SLX4IP: variants seen among roughly 807,000 people sequenced by gnomAD.
SLX4IP encodes the protein protein SLX4IP.
Under a neutral mutation model 32.9 loss-of-function variants are expected in SLX4IP, and 34 were observed. That is an observed-to-expected ratio of 1.03 (90% CI 0.79 to 1.38). The LOEUF is 1.38. Ranked by LOEUF, SLX4IP falls within the 40% of genes most tolerant of loss-of-function variation. The probability of loss-of-function intolerance (pLI) is 0.00; values close to 1 mark genes in which losing one functional copy is unlikely to be tolerated. For missense variants in SLX4IP, 444 were observed against 479.0 expected, an observed-to-expected ratio of 0.93 and a Z score of 0.68; for synonymous variants, 172 against 171.7, an observed-to-expected ratio of 1.00 and a Z score of -0.01.
intron 2 of SLX4IP, among the ~76,000 whole-genome samples, chr20:10,502,468 G>A (rs952758766): frequency 6.6e-6 from 1 of 152,162 alleles, no homozygotes; most frequent in African/African-American, 2.4e-5. Context: ...CTGTGCATGT[G>A]CATGCACACT....
intron 2 of SLX4IP, among the ~76,000 whole-genome samples, chr20:10,482,426 A>T (rs2065531234): frequency 6.6e-6 from 1 of 151,884 alleles, no homozygotes; most frequent in Admixed American, 6.6e-5. Context: ...TCTTTATCTG[A>T]GGCCAGTTTG....
intron 2 of SLX4IP, among the ~76,000 whole-genome samples, chr20:10,476,373 T>G (rs746123151): frequency 6.6e-6 from 1 of 152,188 alleles, no homozygotes; most frequent in Non-Finnish European, 1.5e-5. Flanking sequence ...CATCTATGAG[T>G]GTGCATATTT....
chr20:10,511,533 G>C (rs2065807868), intron 2 of SLX4IP, among the ~76,000 whole-genome samples: 1 of 152,266 alleles, frequency 6.6e-6, no homozygotes, highest in South Asian at 2.1e-4. Context: ...TTTGCCAGCA[G>C]AGTATGTCCA....
chr20:10,490,990 C>G (rs1024780882), intron 2 of SLX4IP, among the ~76,000 whole-genome samples: 2 of 152,040 alleles, frequency 1.3e-5, no homozygotes, highest in Admixed American at 6.6e-5. Context: ...AATTCCACCC[C>G]TCTCTTCCCC....
intron 2 of SLX4IP, among the ~76,000 whole-genome samples, chr20:10,547,482 C>A (rs552934353): frequency 6.6e-6 from 1 of 152,288 alleles, no homozygotes; most frequent in East Asian, 1.9e-4. Context: ...TCCCTTTAAC[C>A]CGAAAAACTC....
intron 6 of SLX4IP, among the ~76,000 whole-genome samples, chr20:10,619,051 C>T (rs1315855305): frequency 1.3e-5 from 2 of 152,144 alleles, no homozygotes; most frequent in Admixed American, 6.5e-5. Flanking sequence ...CCTGACAGCT[C>T]AGGGGCTGAA....
intron 2 of SLX4IP, among the ~76,000 whole-genome samples, chr20:10,496,441 C>T (rs930621526): frequency 6.6e-6 from 1 of 152,142 alleles, no homozygotes; most frequent in Non-Finnish European, 1.5e-5. Context: ...TAGCAGAAAA[C>T]CCAATTAGAG....
intron 3 of SLX4IP, among the ~76,000 whole-genome samples, chr20:10,558,110 C>A (rs2066287189): frequency 6.6e-6 from 1 of 152,128 alleles, no homozygotes; most frequent in South Asian, 2.1e-4. Context: ...GAGCCCAAGG[C>A]AGGCGGATTG....
chr20:10,509,797 C>T (rs1010430372), intron 2 of SLX4IP, among the ~76,000 whole-genome samples: 1 of 151,978 alleles, frequency 6.6e-6, no homozygotes, highest in Non-Finnish European at 1.5e-5. Context: ...TCAAGCAGTC[C>T]TCCCCTTCGG....
chr20:10,596,919 T>C (rs1256446187), intron 4 of SLX4IP, among the ~76,000 whole-genome samples: 1 of 152,254 alleles, frequency 6.6e-6, no homozygotes, highest in African/African-American at 2.4e-5. Context: ...GCCACATGAC[T>C]GAAATGCAAT....
intron 2 of SLX4IP, among the ~76,000 whole-genome samples, chr20:10,533,764 C>T (rs675810): frequency 0.55 from 83,337 of 151,448 alleles, 24,024 homozygotes; most frequent in South Asian, 0.72. Flanking sequence ...GGACTATAGG[C>T]ACATGCCACA....
chr20:10,507,423 T>C (rs1262875932), intron 2 of SLX4IP, among the ~76,000 whole-genome samples: 2 of 152,030 alleles, frequency 1.3e-5, no homozygotes, highest in Non-Finnish European at 1.5e-5. Flanking sequence ...GGTTGTATAG[T>C]CCACGGCAGG....
rs986412493 is a variant in SLX4IP, at chr20:10,560,883, G to A, written c.238+63G>A. ...ATAGAATTTCTGCTCCGTAGAGATG[G>A]CAATTATGTTTGACTCTGACTGTCA... On this transcript the variant is annotated intron_variant, in intron 4 of 7. Coordinates refer to ENST00000334534, the MANE Select transcript of SLX4IP (RefSeq NM_001009608.3). 1.2e-5 allele frequency: 17 copies of A among 1,428,768 alleles called. 1 individual carries two copies. The South Asian group carries it at 2.7e-4, about 23-fold the overall frequency. 88.5% of individuals were successfully genotyped at this position (1,428,768 alleles called of 1,614,324 possible).
intron 1 of SLX4IP, among the ~76,000 whole-genome samples, chr20:10,448,708 T>C (rs893864569): frequency 2.6e-5 from 4 of 152,216 alleles, no homozygotes; most frequent in African/African-American, 9.7e-5. Flanking sequence ...TGGCCTACTG[T>C]TGAGCAGCTT....
intron 2 of SLX4IP, among the ~76,000 whole-genome samples, chr20:10,526,843 T>C (rs1248997082): frequency 6.6e-6 from 1 of 152,130 alleles, no homozygotes; most frequent in African/African-American, 2.4e-5. Flanking sequence ...TCCCATCTAC[T>C]TGGGAGGCTG....
At chr20:10,537,839 A>C (rs193067393) in intron 2 of SLX4IP, among the ~76,000 whole-genome samples, 1 of 152,326 alleles carries the variant, frequency 6.6e-6, no homozygotes, top group Admixed American at 6.5e-5. Context: ...TGACAAAAGT[A>C]ATGAGATAGC....
At chr20:10,620,585 G>C (rs540873769) in intron 6 of SLX4IP, among the ~76,000 whole-genome samples, 1 of 151,698 alleles carries the variant, frequency 6.6e-6, no homozygotes, top group East Asian at 1.9e-4. Flanking sequence ...ACAGAGTCTC[G>C]CTCTGTTGCC....
At chr20:10,584,134 T>C (rs537252877) in intron 4 of SLX4IP, among the ~76,000 whole-genome samples, 18 of 152,046 alleles carry the variant, frequency 1.2e-4, no homozygotes, top group African/African-American at 2.2e-4. Flanking sequence ...GGGTTTTTTT[T>C]CCCCTATAAA....
At chr20:10,441,574 A>G (rs944071631) in intron 1 of SLX4IP, among the ~76,000 whole-genome samples, 3 of 152,226 alleles carry the variant, frequency 2.0e-5, no homozygotes, top group African/African-American at 7.2e-5. Flanking sequence ...GGTTGAGAGT[A>G]TAGAGTAACT....
Sources: gnomAD v4.1 joint callset for allele counts (sites outside exome capture counted in the v4.1 genomes callset) on GRCh38, gnomAD v4.1.1 for gene constraint, MANE v1.5 for transcripts, NCBI Gene and HGNC (gene_info 2026-07-23, HGNC 2026-07-21) for gene names.